TRMT9B: variants seen among roughly 807,000 people sequenced by gnomAD.
The protein encoded by TRMT9B is tRNA methyltransferase 9B (putative).
In TRMT9B, 16 loss-of-function variants were observed where a neutral mutation model predicts 11.5. The ratio of observed to expected loss-of-function variants is 1.39; its 90% CI spans 0.94 to 2.11. The LOEUF (loss-of-function observed/expected upper bound fraction) is 2.11. Among genes scored for constraint, TRMT9B ranks in the 30% most tolerant of loss-of-function variants. The pLI is 0.00. For missense variants in TRMT9B, 941 were observed against 553.8 expected (o/e 1.70, Z -7.02); for synonymous variants, 274 against 192.4 (o/e 1.42, Z -3.51).
intron 1 of TRMT9B, among the ~76,000 whole-genome samples, chr8:12,959,687 C>T (rs1434052940): frequency 6.6e-6 from 1 of 151,702 alleles, no homozygotes; most frequent in Non-Finnish European, 1.5e-5. Context: ...ACCTAGCTAA[C>T]TTTGTTTAGT....
At chr8:12,990,411 C>T (rs112553632) in intron 1 of TRMT9B, among the ~76,000 whole-genome samples, 3 of 152,100 alleles carry the variant, frequency 2.0e-5, no homozygotes, top group South Asian at 2.1e-4. Flanking sequence ...TGAATAACTA[C>T]GAGTACTTAT....
rs114912445 is a variant in TRMT9B, at chr8:12,963,259, C to T, written c.-200+17293C>T. Among the ~76,000 whole-genome samples, 672 of 152,112 alleles carry T rather than the reference C, an allele frequency of 4.4e-3. 3 individuals are homozygous for T. Among genetic ancestry groups the T allele is most frequent in the African/African-American group, 0.015 (633 of 41,456 alleles). On this transcript the variant is annotated intron_variant, in intron 1 of 4. Coordinates refer to ENST00000524591, the MANE Select transcript of TRMT9B (RefSeq NM_020844.3). ...CCAGCTGGCCAATATAGTGAAACAC[C>T]GTCTCTACTTTAAAAATTCAAAAAT...
In TRMT9B at chr8:13,024,758, A is replaced by G. The variant is rs974666591; in HGVS notation, c.*2714A>G. The G allele has an allele frequency of 1.2e-5, 2 of 167,068 alleles. No individual in the cohort carries two copies. The highest frequency in any genetic ancestry group is 2.4e-5 in the African/African-American group (1 of 41,470). 10.3% of individuals were successfully genotyped at this position (167,068 alleles called of 1,614,324 possible). On this transcript the variant is annotated 3_prime_UTR_variant, in exon 5 of 5. Transcript: ENST00000524591. ...GGGTGTAAATAAAGCATGCTGACTA[A>G]TAAGTCTTTTACTCTTCATCTAATG...
At chr8:13,010,265 A>G (rs1811353652) in intron 3 of TRMT9B, 1 of 895,462 alleles carries the variant, frequency 1.1e-6, no homozygotes, top group South Asian at 5.2e-5. Flanking sequence ...TACATTTTTT[A>G]AACTATTCAA....
chr8:12,980,241 G>A (rs762355876), intron 1 of TRMT9B, among the ~76,000 whole-genome samples: 1 of 151,992 alleles, frequency 6.6e-6, no homozygotes, highest in Non-Finnish European at 1.5e-5. Flanking sequence ...TCCAATTCCC[G>A]GTGGGCCCAG....
chr8:13,021,061 G>A lies in TRMT9B; in HGVS notation c.382G>A (p.Ala128Thr), dbSNP rs1464801545. ...QRRIRAIKEM[A>T]RVLVPGGQLM... ...AAGAATCAGAGCAATAAAAGAAATG[G>A]CCAGGGTCTTAGTTCCCGGAGGCCA... Residue 128 changes from alanine (A) to threonine (T), a missense_variant, in exon 5 of 5, where the codon GCC becomes ACC. Physicochemically the swap from Ala to Thr is moderately conservative, Grantham distance 58 (BLOSUM62 0). Transcript: ENST00000524591. 6.3e-7 allele frequency: 1 copy of A among 1,593,660 alleles called. No individual in the cohort carries two copies. Among genetic ancestry groups the A allele is most frequent in the Non-Finnish European group, 8.5e-7 (1 of 1,170,328 alleles).
In TRMT9B at chr8:13,029,398, A is replaced by C. The variant is rs1815105305; in HGVS notation, c.*7354A>C. ...TTTGACTTTTATAATAATGCGAAGT[A>C]GTTTTATTTGCATTAATCAATAATG... On this transcript the variant is annotated 3_prime_UTR_variant, in exon 5 of 5. Coordinates refer to ENST00000524591, the MANE Select transcript of TRMT9B (RefSeq NM_020844.3). The C allele has an allele frequency of 6.0e-6, 1 of 167,052 alleles. No individual in the cohort carries two copies. The highest frequency in any genetic ancestry group is 2.4e-5 in the African/African-American group (1 of 41,462). 10.3% of individuals were successfully genotyped at this position (167,052 alleles called of 1,614,324 possible). A position where few individuals can be genotyped will look rare whatever the true frequency, so the allele number is the denominator to read the frequency against.
intron 1 of TRMT9B, among the ~76,000 whole-genome samples, chr8:12,954,019 A>G (rs941468448): frequency 2.6e-5 from 4 of 152,202 alleles, no homozygotes; most frequent in Non-Finnish European, 4.4e-5. Context: ...TTTTGCGTGT[A>G]TATCTTAATA....
At chr8:13,011,892 A>G (rs557500162) in intron 3 of TRMT9B, 1 of 984,730 alleles carries the variant, frequency 1.0e-6, no homozygotes, top group South Asian at 4.7e-5. Flanking sequence ...TTTGAAAGGC[A>G]TGTTTTAGTG....
At chr8:12,984,383 C>T (rs1185783873) in intron 1 of TRMT9B, among the ~76,000 whole-genome samples, 3 of 152,220 alleles carry the variant, frequency 2.0e-5, no homozygotes, top group Non-Finnish European at 4.4e-5. Context: ...AATTCATCGT[C>T]ACGTTTCCCC....
chr8:13,010,865 AACAGAGGGT>A, intron 3 of TRMT9B: 1 of 978,134 alleles, frequency 1.0e-6, no homozygotes, highest in Non-Finnish European at 1.2e-6. Context: ...ATTGCCTTCA[AACAGAGGGT>A]ACTTTTTCTC....
At position 12,946,322 on chromosome 8, in the gene TRMT9B, G is replaced by A. The variant is rs1800262733; in HGVS notation, c.-200+356G>A. Among the ~76,000 whole-genome samples, 4 of 152,278 alleles carry A rather than the reference G, an allele frequency of 2.6e-5. No individual in the cohort carries two copies. In the South Asian group the frequency reaches 8.3e-4, roughly 32 times the overall value. On this transcript the variant is annotated intron_variant, in intron 1 of 4. Coordinates refer to ENST00000524591, the MANE Select transcript of TRMT9B (RefSeq NM_020844.3). ...ATTAGTGTAATCATCTAGGTGGGAA[G>A]TAATGGGACATAAAGAACTAGAATA...
At chr8:12,982,547 A>T (rs1407688021) in intron 1 of TRMT9B, among the ~76,000 whole-genome samples, 1 of 152,038 alleles carries the variant, frequency 6.6e-6, no homozygotes, top group Non-Finnish European at 1.5e-5. Context: ...TTGTAATCGC[A>T]GCTACTCGGG....
chr8:13,020,200 T>C (rs1813553337), intron 4 of TRMT9B, among the ~76,000 whole-genome samples: 1 of 152,312 alleles, frequency 6.6e-6, no homozygotes, highest in Admixed American at 6.5e-5. Context: ...TGCTTGAGAT[T>C]AATTTCCTCA....
In TRMT9B at chr8:13,026,326, A is replaced by G. The variant is rs1720580653; in HGVS notation, c.*4282A>G. On this transcript the variant is annotated 3_prime_UTR_variant, in exon 5 of 5. Coordinates refer to ENST00000524591, the MANE Select transcript of TRMT9B (RefSeq NM_020844.3). ...CTCACTCATAGGTGGGAATTGAACA[A>G]TGAGAACACATGGACACAGTAAGGG... The G allele has an allele frequency of 1.8e-5, 3 of 167,284 alleles. No homozygotes were observed. Among genetic ancestry groups the G allele is most frequent in the African/African-American group, 7.2e-5 (3 of 41,606 alleles). 10.4% of individuals were successfully genotyped at this position (167,284 alleles called of 1,614,324 possible).
chr8:13,008,615 T>C (rs1810944985), intron 3 of TRMT9B, among the ~76,000 whole-genome samples: 2 of 152,178 alleles, frequency 1.3e-5, no homozygotes, highest in African/African-American at 4.8e-5. Context: ...TTTGACCCTA[T>C]AAAAATGGAA....
rs1401844026 is a variant in TRMT9B, at chr8:13,026,805, G to T, written c.*4761G>T. On this transcript the variant is annotated 3_prime_UTR_variant, in exon 5 of 5. Coordinates refer to ENST00000524591, the MANE Select transcript of TRMT9B (RefSeq NM_020844.3). ...ACAACACCATATACTCCCACCCCTG[G>T]GCCCAGCTCATGTGCTTGGCGGAGT... 6.0e-6 allele frequency: 1 copy of T among 166,950 alleles called. No individual in the cohort carries two copies. The highest frequency in any genetic ancestry group is 1.5e-5 in the Non-Finnish European group (1 of 68,088). 10.3% of individuals were successfully genotyped at this position (166,950 alleles called of 1,614,324 possible).
At chr8:12,952,782 C>A in intron 1 of TRMT9B, 3 of 691,566 alleles carry the variant, frequency 4.3e-6, no homozygotes, top group Non-Finnish European at 5.3e-6. Context: ...CTCTGTCACC[C>A]AGGCTGGAGT....
intron 1 of TRMT9B, among the ~76,000 whole-genome samples, chr8:12,960,800 C>G (rs1204892678): frequency 1.3e-5 from 2 of 152,102 alleles, no homozygotes; most frequent in African/African-American, 4.8e-5. Flanking sequence ...TGCCATGGGT[C>G]GAGTGTGGGG....
Sources: allele counts gnomAD v4.1 joint callset (sites outside exome capture counted in the v4.1 genomes callset), GRCh38; gene constraint gnomAD v4.1.1; transcripts MANE v1.5; gene names NCBI Gene and HGNC (gene_info 2026-07-23, HGNC 2026-07-21).